The following BAIAP3 variants were observed in gnomAD, a reference collection of about 807,000 sequenced individuals.
BAIAP3 encodes BAI1 associated protein 3.
In BAIAP3, 180 loss-of-function variants were observed where a neutral mutation model predicts 149.7. The observed-to-expected ratio is 1.20, with a 90% CI of 1.07 to 1.36. The LOEUF is 1.36. Ranked by LOEUF, BAIAP3 falls within the 40% of genes most tolerant of loss-of-function variation. BAIAP3 has a pLI of 0.00. For missense variants in BAIAP3, 1,767 were observed against 1,563.4 expected, an observed-to-expected ratio of 1.13 and a Z score of -2.20; for synonymous variants, 845 against 670.7, an observed-to-expected ratio of 1.26 and a Z score of -4.02.
chr16:1,344,226 G>A lies in BAIAP3; in HGVS notation c.1512-1G>A, dbSNP rs771469154. The A allele has an allele frequency of 1.2e-6, 2 of 1,613,236 alleles. No individual in the cohort carries two copies. The highest frequency in any genetic ancestry group is 2.7e-5 in the African/African-American group (2 of 74,946). Reference sequence around the variant, plus strand: ...CACGTCAGCGTGCTGCCCCCACCCAGGTGTCTGGGCAAGCTGCAGCTCTTC... The same window carrying A: ...CACGTCAGCGTGCTGCCCCCACCCAAGTGTCTGGGCAAGCTGCAGCTCTTC... On this transcript the variant is annotated splice_acceptor_variant, in intron 16 of 33. Coordinates refer to ENST00000426824, the MANE Select transcript of BAIAP3 (RefSeq NM_001199097.2). LOFTEE classifies it high-confidence loss of function.
Position 1,341,291 on chromosome 16 carries a change from C to T in BAIAP3, c.536-3C>T. On this transcript the variant is annotated splice_region_variant and splice_polypyrimidine_tract_variant and intron_variant, in intron 7 of 33. Coordinates refer to ENST00000426824, the MANE Select transcript of BAIAP3 (RefSeq NM_001199097.2). ...CCAGGGCTGAGACGCCTGCCGTGCCCAGGCTTCAGCGACCCATACTGCATG... is the reference window on the plus strand; with the variant it reads ...CCAGGGCTGAGACGCCTGCCGTGCCTAGGCTTCAGCGACCCATACTGCATG... 1 of 1,607,288 alleles carries T rather than the reference C, an allele frequency of 6.2e-7. No homozygotes were observed. The highest frequency in any genetic ancestry group is 8.5e-7 in the Non-Finnish European group (1 of 1,176,012).
rs542503250 is a variant in BAIAP3 at position 1,346,670 on chromosome 16, G to A, written c.2628G>A (p.Lys876=). 26 of 1,542,794 alleles carry A rather than the reference G, an allele frequency of 1.7e-5. No individual in the cohort carries two copies. The highest frequency in any genetic ancestry group is 1.9e-4 in the Middle Eastern group (1 of 5,364). The part of the protein sequence containing the change: ...KLALLNASLV[K]GNLSRVLEAL... ...CCCTGCTGAACGCCTCGCTGGTGAA[G>A]GGGAACCTGAGCAGGTGCGGGCGGG... The change falls in exon 27 of 34, where the codon AAG becomes AAA. Residue 876 remains lysine, a synonymous_variant. Coordinates refer to ENST00000426824, the MANE Select transcript of BAIAP3 (RefSeq NM_001199097.2).
chr16:1,345,381 T>A lies in BAIAP3; in HGVS notation c.2064+9T>A. 6.2e-7 allele frequency: 1 copy of A among 1,607,944 alleles called. No individual in the cohort carries two copies. The highest frequency in any genetic ancestry group is 2.2e-5 in the East Asian group (1 of 44,692). The stretch of plus-strand genomic sequence containing the variant: ...CCGTGGACATGGACACGGTGACAGC[T>A]GCCCTGGCCTGAGGACACTGGGGCT... On this transcript the variant is annotated intron_variant, in intron 22 of 33. Transcript: ENST00000426824.
At chr16:1,339,992 T>C (rs4984816) in intron 5 of BAIAP3, among the ~76,000 whole-genome samples, 121,619 of 131,340 alleles carry the variant, frequency 0.93, 56,317 homozygotes, top group East Asian at 1. Flanking sequence ...TGCAGGTGCA[T>C]ACAGATGCAC....
Position 1,347,880 on chromosome 16 carries a change from CTG to C in BAIAP3, c.3026-11_3026-10del. ...GGGATGGGGGCAGGGGGGCTCACGA[CTG>C]TGCTCCTGCAGGCTTAAGTGACCCC... On this transcript the variant is annotated splice_polypyrimidine_tract_variant and intron_variant, in intron 31 of 33. Transcript: ENST00000426824. The C allele has an allele frequency of 1.2e-6, 2 of 1,610,818 alleles. No individual in the cohort carries two copies.
chr16:1,341,861 C>T lies in BAIAP3; in HGVS notation c.771C>T (p.Asp257=), dbSNP rs1224492285. Residue 257 remains aspartate, a synonymous_variant, in exon 9 of 34, where the codon GAC becomes GAT. Coordinates refer to ENST00000426824, the MANE Select transcript of BAIAP3 (RefSeq NM_001199097.2). ...EDVSTDQLHL[D]IWDHDDDVSL... is the part of the protein sequence containing the mutation. Reference sequence around the variant, plus strand: ...TGAGCACGGACCAGCTGCACCTGGACATCTGGTACAGGCCCCTGCGCCATG... The same window carrying T: ...TGAGCACGGACCAGCTGCACCTGGATATCTGGTACAGGCCCCTGCGCCATG... 2 of 1,612,404 alleles carry T rather than the reference C, an allele frequency of 1.2e-6. No individual in the cohort carries two copies. Among genetic ancestry groups the T allele is most frequent in the South Asian group, 2.2e-5 (2 of 91,024 alleles).
Position 1,346,972 on chromosome 16 carries a change from G to T in BAIAP3, c.2751+17G>T. The T allele has an allele frequency of 6.3e-7, 1 of 1,581,034 alleles. No individual in the cohort carries two copies. On this transcript the variant is annotated intron_variant, in intron 28 of 33. Coordinates refer to ENST00000426824, the MANE Select transcript of BAIAP3 (RefSeq NM_001199097.2). The stretch of plus-strand genomic sequence containing the variant: ...ACGCTGGAGGTAGAGCTCTGTGAAG[G>T]AGTCCTCCCCGCCGGCCCCCGCCTC...
rs1448232209 is a variant in BAIAP3, at chr16:1,347,950, G to A, written c.3082G>A (p.Val1028Ile). Reference sequence around the variant, plus strand: ...GGGCCCACCGCATCTCTTTCCACTGGTCCGCAGCCAGAGGACCCAGGTGAA... The same window carrying A: ...GGGCCCACCGCATCTCTTTCCACTGATCCGCAGCCAGAGGACCCAGGTGAA... ...ELGPPHLFPLVRSQRTQVKTR... is the reference protein window; with the variant it reads ...ELGPPHLFPLIRSQRTQVKTR... The change falls in exon 32 of 34, where the codon GTC (valine) becomes ATC (isoleucine). Residue 1028 changes from valine to isoleucine, a missense_variant. Transcript: ENST00000426824. 1 of 1,611,986 alleles carries A rather than the reference G, an allele frequency of 6.2e-7. No homozygotes were observed. The highest frequency in any genetic ancestry group is 8.5e-7 in the Non-Finnish European group (1 of 1,179,932).
At chr16:1,343,068 G>A (rs779174698) in intron 14 of BAIAP3, 52 bp downstream of exon 14, 1 of 1,535,890 alleles carries the variant, frequency 6.5e-7, no homozygotes. Flanking sequence ...GCGTGAGCGA[G>A]TGGGGCATCG....
At chr16:1,345,725 C>A (rs754774557) in intron 22 of BAIAP3, 22 bp from the exon 23 acceptor site, 1 of 1,493,506 alleles carries the variant, frequency 6.7e-7, no homozygotes, top group Admixed American at 2.0e-5. Context: ...CCCAGCAAAC[C>A]CAGCCTCCCC....
At chr16:1,340,277 C>T (rs1170602133) in intron 5 of BAIAP3, among the ~76,000 whole-genome samples, 1 of 147,314 alleles carries the variant, frequency 6.8e-6, no homozygotes, top group African/African-American at 2.5e-5. Context: ...TGCAGGTGCA[C>T]ACAGACACAC....
chr16:1,334,617 A>T, intron 1 of BAIAP3: 1 of 1,526,454 alleles, frequency 6.6e-7, no homozygotes. Flanking sequence ...GCCCAAGGCC[A>T]CCGGCAGCGC....
intron 14 of BAIAP3, 116 bp from the exon 15 acceptor site, chr16:1,343,274 GAGT>G: frequency 7.0e-7 from 1 of 1,425,374 alleles, no homozygotes; most frequent in Non-Finnish European, 9.5e-7. Flanking sequence ...GCAGTGCTAT[GAGT>G]AGGCGCGGCA....
chr16:1,333,670 C>G lies in BAIAP3; in HGVS notation c.-90C>G, dbSNP rs769708665. ...AGTCGTCGGCGCGCGCGGCTGGGAGCGGTAGCTGTGCCTCGGCGTCCCCGA... is the reference window on the plus strand; with the variant it reads ...AGTCGTCGGCGCGCGCGGCTGGGAGGGGTAGCTGTGCCTCGGCGTCCCCGA... On this transcript the variant is annotated 5_prime_UTR_variant, in exon 1 of 34. Transcript: ENST00000426824. 1 of 151,778 alleles carries G rather than the reference C, an allele frequency of 6.6e-6. No homozygotes were observed. The highest frequency in any genetic ancestry group is 2.4e-5 in the African/African-American group (1 of 41,380). The allele number at this position is 151,778 out of a possible 1,614,324, so 9.4% of individuals were successfully genotyped here.
chr16:1,346,012 T>C lies in BAIAP3; in HGVS notation c.2235T>C (p.Tyr745=), dbSNP rs141965093. The C allele has an allele frequency of 3.7e-6, 6 of 1,610,908 alleles. No individual in the cohort carries two copies. The African/African-American group carries it at 5.3e-5, about 14-fold the overall frequency. ...GQDVCEATLF[Y]TELLRKKVDT... ...ACGTGTGTGAGGCCACCCTCTTCTA[T>C]ACGGAGCTGCTTCGGAAGAAGGTGG... The change falls in exon 24 of 34, where the codon TAT becomes TAC. Residue 745 remains tyrosine (Y), a synonymous_variant. Transcript: ENST00000426824.
chr16:1,344,591 T>G lies in BAIAP3; in HGVS notation c.1660-10T>G. The G allele has an allele frequency of 6.2e-7, 1 of 1,612,862 alleles. No individual in the cohort carries two copies. The highest frequency in any genetic ancestry group is 8.5e-7 in the Non-Finnish European group (1 of 1,179,982). On this transcript the variant is annotated splice_polypyrimidine_tract_variant and intron_variant, in intron 18 of 33. Coordinates refer to ENST00000426824, the MANE Select transcript of BAIAP3 (RefSeq NM_001199097.2). ...GCCGAGAGGTGGGTACGAGCTAGGC[T>G]TCCTTGCAGCCAGGACCACAGCGCC...
At position 1,347,299 on chromosome 16, in the gene BAIAP3, C is replaced by A; in HGVS notation, c.2753C>A (p.Ala918Asp). The stretch of plus-strand genomic sequence containing the variant: ...CTCTGCCTTCTTTCCCTGCCCCAGG[C>A]CCTGGTCAGTTTTTTCCACGCAGAG... ...FYSRFHFTLE[A>D]LVSFFHAEGQ... is the part of the protein sequence containing the mutation. The change falls in exon 29 of 34, where the codon GCC (alanine) becomes GAC (aspartate). Residue 918 changes from alanine (A) to aspartate (D), a missense_variant and splice_region_variant. Transcript: ENST00000426824. The A allele has an allele frequency of 6.2e-7, 1 of 1,613,178 alleles. No homozygotes were observed. Among genetic ancestry groups the A allele is most frequent in the East Asian group, 2.2e-5 (1 of 44,886 alleles).
Position 1,342,766 on chromosome 16 carries a change from CCTG to C in BAIAP3, c.1122_1124del (p.Leu375del), listed in dbSNP as rs1567164915. On this transcript the variant is annotated inframe_deletion, in exon 13 of 34. Coordinates refer to ENST00000426824, the MANE Select transcript of BAIAP3 (RefSeq NM_001199097.2). Reference sequence around the variant, plus strand: ...GCGGGCGATCCGGCTTCCTGTCCCACCTGCTGCTGCTCAGCCATCTGCTGCGGT... The same window carrying C: ...GCGGGCGATCCGGCTTCCTGTCCCACCTGCTGCTCAGCCATCTGCTGCGGT... The C allele has an allele frequency of 6.2e-7, 1 of 1,612,608 alleles. No individual in the cohort carries two copies. Among genetic ancestry groups the C allele is most frequent in the African/African-American group, 1.3e-5 (1 of 75,046 alleles).
chr16:1,343,367 C>T lies in BAIAP3; in HGVS notation c.1266-26C>T, dbSNP rs746100518. 1.3e-5 allele frequency: 21 copies of T among 1,572,720 alleles called. No homozygotes were observed. The African/African-American group carries it at 1.5e-4, about 11-fold the overall frequency. On this transcript the variant is annotated intron_variant, in intron 14 of 33. Transcript: ENST00000426824. Reference sequence around the variant, plus strand: ...GCATGGCAGGGGCGGGGTTCATACCCTTTGACCATGGGCCGGGCCCCACAG... The same window carrying T: ...GCATGGCAGGGGCGGGGTTCATACCTTTTGACCATGGGCCGGGCCCCACAG...
Sources: gnomAD v4.1 joint callset for allele counts (sites outside exome capture counted in the v4.1 genomes callset) on GRCh38, gnomAD v4.1.1 for gene constraint, MANE v1.5 for transcripts, NCBI Gene and HGNC (gene_info 2026-07-23, HGNC 2026-07-21) for gene names.